DAB1: variants seen among roughly 807,000 people sequenced by gnomAD.
DAB1 encodes DAB adaptor protein 1, also known as disabled homolog 1.
DAB1 carries 15 observed loss-of-function variants against 64.6 expected under a neutral mutation model. The observed-to-expected ratio is 0.23, with a 90% CI of 0.16 to 0.36. The LOEUF (loss-of-function observed/expected upper bound fraction) is 0.36. Ranked by LOEUF, DAB1 falls within the 10% of genes least tolerant of loss-of-function variation. The pLI, the probability that DAB1 is intolerant of heterozygous loss-of-function variation, is 1.00. For missense variants in DAB1, 596 were observed against 706.7 expected, an observed-to-expected ratio of 0.84 and a Z score of 1.78; for synonymous variants, 235 against 251.9, an observed-to-expected ratio of 0.93 and a Z score of 0.64.
At chr1:57,734,450 TAA>T (rs1335029329) in intron 6 of DAB1, among the ~76,000 whole-genome samples, 2 of 152,240 alleles carry the variant, frequency 1.3e-5, no homozygotes, top group Non-Finnish European at 2.9e-5. Flanking sequence ...ATTGGATTTA[TAA>T]CTCCAACCCC....
chr1:57,746,418 T>C (rs558569687), intron 6 of DAB1, among the ~76,000 whole-genome samples: 1 of 152,152 alleles, frequency 6.6e-6, no homozygotes, highest in Non-Finnish European at 1.5e-5. Context: ...GATGAGAAAT[T>C]GTATTTTTTG....
intron 7 of DAB1, among the ~76,000 whole-genome samples, chr1:57,547,768 G>A (rs1163049042): frequency 6.6e-6 from 1 of 152,160 alleles, no homozygotes; most frequent in African/African-American, 2.4e-5. Flanking sequence ...AGTTTATTTT[G>A]AACAAATGCA....
intron 7 of DAB1, among the ~76,000 whole-genome samples, chr1:57,619,035 T>C (rs1421405477): frequency 6.6e-6 from 1 of 152,164 alleles, no homozygotes; most frequent in African/African-American, 2.4e-5. Flanking sequence ...AAACACAGAG[T>C]ATGTTACGTA....
chr1:58,306,351 T>G (rs1330525208), intron 4 of DAB1, among the ~76,000 whole-genome samples: 2 of 152,126 alleles, frequency 1.3e-5, no homozygotes, highest in Non-Finnish European at 2.9e-5. Context: ...AAATAATACA[T>G]TTAAATATCT....
At chr1:58,193,493 T>G (rs1274598003) in intron 4 of DAB1, among the ~76,000 whole-genome samples, 1 of 152,242 alleles carries the variant, frequency 6.6e-6, no homozygotes, top group Admixed American at 6.5e-5. Flanking sequence ...ACACTACACT[T>G]TATCTTTTTT....
intron 4 of DAB1, among the ~76,000 whole-genome samples, chr1:57,125,223 G>A (rs1657027486): frequency 6.6e-6 from 1 of 152,140 alleles, no homozygotes; most frequent in African/African-American, 2.4e-5. Context: ...AAATTTGGAG[G>A]CGCAGACCCC....
intron 4 of DAB1, among the ~76,000 whole-genome samples, chr1:57,087,230 C>T (rs955577872): frequency 1.3e-5 from 2 of 152,194 alleles, no homozygotes; most frequent in Non-Finnish European, 2.9e-5. Flanking sequence ...CAGAGACACA[C>T]GACCTGCAGG....
At position 58,191,780 on chromosome 1, in the gene DAB1, C is replaced by T. The variant is rs551526558; in HGVS notation, n.310-41192G>A. Among the ~76,000 whole-genome samples, 33 of 152,176 alleles carry T rather than the reference C, an allele frequency of 2.2e-4. 1 individual carries two copies. The highest frequency in any genetic ancestry group is 6.5e-4 in the African/African-American group (27 of 41,440). ...GTCTGTGAAATGTTGAGAGTAGAGT[C>T]TGTATCTTTGTGTCTTCGCAGGTGC... On this transcript the variant is annotated intron_variant and non_coding_transcript_variant, in intron 4 of 20. Transcript: ENST00000485760.
intron 4 of DAB1, among the ~76,000 whole-genome samples, chr1:57,131,444 G>C (rs923378765): frequency 2.0e-5 from 3 of 152,186 alleles, no homozygotes; most frequent in African/African-American, 7.2e-5. Flanking sequence ...CCTGTGCACT[G>C]TCTCACTGAC....
At chr1:57,534,001 T>C (rs1006824558) in intron 7 of DAB1, among the ~76,000 whole-genome samples, 5 of 152,134 alleles carry the variant, frequency 3.3e-5, no homozygotes, top group African/African-American at 1.2e-4. Context: ...ATACCTCAGT[T>C]CTGAATACCT....
At chr1:58,365,743 C>A (rs532143458) in intron 3 of DAB1, among the ~76,000 whole-genome samples, 1 of 152,256 alleles carries the variant, frequency 6.6e-6, no homozygotes, top group Non-Finnish European at 1.5e-5. Context: ...AGATAAGCAC[C>A]AAGGGCACAA....
intron 6 of DAB1, among the ~76,000 whole-genome samples, chr1:57,736,050 A>G (rs1647676570): frequency 6.6e-6 from 1 of 152,208 alleles, no homozygotes; most frequent in Admixed American, 6.5e-5. Flanking sequence ...TAAGTTTAAA[A>G]AAAAGAACTA....
At chr1:57,552,573 C>T (rs567281749) in intron 7 of DAB1, among the ~76,000 whole-genome samples, 2 of 152,270 alleles carry the variant, frequency 1.3e-5, no homozygotes, top group South Asian at 2.1e-4. Context: ...GAGCAGGGAT[C>T]GCATCCTAGG....
At chr1:58,147,842 G>C (rs1654694683) in intron 5 of DAB1, among the ~76,000 whole-genome samples, 1 of 152,074 alleles carries the variant, frequency 6.6e-6, no homozygotes, top group Non-Finnish European at 1.5e-5. Flanking sequence ...CCATTTTGCA[G>C]TAGAGGAAAC....
intron 5 of DAB1, 140 bp downstream of exon 5, chr1:57,072,143 A>G (rs1651538011): frequency 1.1e-6 from 1 of 897,916 alleles, no homozygotes; most frequent in Non-Finnish European, 1.7e-6. Context: ...TCTTTTCTAG[A>G]TGGGAATGTG....
At chr1:57,686,683 C>T (rs1646701290) in intron 6 of DAB1, among the ~76,000 whole-genome samples, 1 of 152,118 alleles carries the variant, frequency 6.6e-6, no homozygotes, top group Admixed American at 6.6e-5. Flanking sequence ...CATCCAGCAG[C>T]ACATATAAAA....
At chr1:57,640,163 T>G (rs78857036) in intron 7 of DAB1, among the ~76,000 whole-genome samples, 185 of 152,228 alleles carry the variant, frequency 1.2e-3, no homozygotes, top group African/African-American at 4.3e-3. Flanking sequence ...TTAATGTGAG[T>G]TCCTCATCAC....
intron 1 of DAB1, chr1:58,542,398 G>A (rs1418308130): frequency 6.6e-6 from 1 of 152,198 alleles, no homozygotes; most frequent in Non-Finnish European, 1.5e-5. Context: ...CTCTCATGGA[G>A]GTTATAATCT....
At chr1:57,658,306 C>CTTT (rs1165560066) in intron 6 of DAB1, among the ~76,000 whole-genome samples, 5 of 131,210 alleles carry the variant, frequency 3.8e-5, no homozygotes, top group Admixed American at 8.1e-5. Context: ...CAATTTTGTT[C>CTTT]TTTTTTTTTT....
Sources: gnomAD v4.1 joint callset for allele counts (sites outside exome capture counted in the v4.1 genomes callset) on GRCh38, gnomAD v4.1.1 for gene constraint, MANE v1.5 for transcripts, NCBI Gene and HGNC (gene_info 2026-07-23, HGNC 2026-07-21) for gene names.